SLC44A5: variants seen among roughly 807,000 people sequenced by gnomAD.
SLC44A5 encodes solute carrier family 44 member 5, also known as choline transporter-like protein 5.
SLC44A5 carries 57 observed loss-of-function variants against 101.8 expected under a neutral mutation model. The observed-to-expected ratio is 0.56, with a 90% CI of 0.45 to 0.70. The LOEUF is 0.70. SLC44A5 is among the 30% of genes least tolerant of loss of function. The pLI, the probability that SLC44A5 is intolerant of heterozygous loss-of-function variation, is 0.00. For synonymous variants in SLC44A5, 281 were observed against 290.9 expected, an observed-to-expected ratio of 0.97 and a Z score of 0.35; for missense variants, 737 against 853.1, an observed-to-expected ratio of 0.86 and a Z score of 1.70.
the SLC44A5 span, among the ~76,000 whole-genome samples, chr1:75,677,449 G>C: frequency 5.3e-5 from 8 of 152,158 alleles, no homozygotes; most frequent in African/African-American, 1.9e-4. Flanking sequence ...AAGCCTCATG[G>C]TAACCTCAAA....
At chr1:75,224,598 T>G (rs1457121517) in intron 13 of SLC44A5, among the ~76,000 whole-genome samples, 4 of 152,104 alleles carry the variant, frequency 2.6e-5, no homozygotes, top group African/African-American at 9.7e-5. Context: ...AATTTTTTGT[T>G]TCTAATTTTT....
intron 6 of SLC44A5, among the ~76,000 whole-genome samples, chr1:75,259,768 G>C (rs981358080): frequency 1.3e-5 from 2 of 152,048 alleles, no homozygotes; most frequent in African/African-American, 4.8e-5. Context: ...AAATATTAAG[G>C]GCAGCCAGAG....
chr1:75,341,549 GAAGA>G (rs1365860174), intron 3 of SLC44A5, among the ~76,000 whole-genome samples: 2 of 151,682 alleles, frequency 1.3e-5, no homozygotes, highest in Non-Finnish European at 2.9e-5. Context: ...GAACGAGAGA[GAAGA>G]AGGAAGGAAG....
At chr1:75,661,192 T>C in the SLC44A5 span, among the ~76,000 whole-genome samples, 1 of 151,878 alleles carries the variant, frequency 6.6e-6, no homozygotes, top group Non-Finnish European at 1.5e-5. Flanking sequence ...CACACATTTA[T>C]AGCTAACTTA....
chr1:75,595,252 T>C (rs1277434700), intron 1 of SLC44A5, among the ~76,000 whole-genome samples: 3 of 152,088 alleles, frequency 2.0e-5, no homozygotes, highest in Non-Finnish European at 4.4e-5. Context: ...AGTGATGTAT[T>C]CTCTGGAAAA....
In SLC44A5 at chr1:75,261,300, G is replaced by A. The variant is rs373845987; in HGVS notation, c.261-10006C>T. Reference sequence around the variant, plus strand: ...GAGTAATAAAGAAGAAAAGAGAGAAGAATCAAATAGACCCAATAAAAAATG... The same window carrying A: ...GAGTAATAAAGAAGAAAAGAGAGAAAAATCAAATAGACCCAATAAAAAATG... On this transcript the variant is annotated intron_variant, in intron 6 of 23. Transcript: ENST00000370859. 6.6e-5 allele frequency among the ~76,000 whole-genome samples: 10 copies of A among 151,848 alleles called. No homozygotes were observed. In the South Asian group the frequency reaches 2.1e-3, roughly 31 times the overall value.
chr1:75,694,389 G>T, the SLC44A5 span, among the ~76,000 whole-genome samples: 1 of 151,932 alleles, frequency 6.6e-6, no homozygotes, highest in East Asian at 1.9e-4. Flanking sequence ...ACAACTTGTG[G>T]AAGGGAGCCA....
the SLC44A5 span, among the ~76,000 whole-genome samples, chr1:75,703,763 C>G: frequency 5.9e-5 from 9 of 151,998 alleles, no homozygotes; most frequent in South Asian, 1.7e-3. Context: ...AGGTGCCACG[C>G]CTGTTCAGTA....
chr1:75,512,529 CAACAATGATTT>C (rs1402735409), intron 2 of SLC44A5, among the ~76,000 whole-genome samples: 1 of 152,112 alleles, frequency 6.6e-6, no homozygotes, highest in Non-Finnish European at 1.5e-5. Context: ...AACAATCATT[CAACAATGATTT>C]GGTGTCAGAC....
In SLC44A5 at chr1:75,421,382, A is replaced by G. The variant is rs186718963; in HGVS notation, c.14-24761T>C. 1.3e-3 allele frequency among the ~76,000 whole-genome samples: 197 copies of G among 152,272 alleles called. 3 individuals are homozygous for G. The highest frequency in any genetic ancestry group is 4.7e-3 in the African/African-American group (194 of 41,564). On this transcript the variant is annotated intron_variant, in intron 2 of 23. Coordinates refer to ENST00000370859, the MANE Select transcript of SLC44A5 (RefSeq NM_001130058.2). ...AAAGGAGTTGTTGCTTTTTCTATAC[A>G]GAGAAAGATACTGACTAGTTAGAGA...
At chr1:75,261,090 C>A (rs1371858181) in intron 6 of SLC44A5, among the ~76,000 whole-genome samples, 1 of 152,034 alleles carries the variant, frequency 6.6e-6, no homozygotes, top group Non-Finnish European at 1.5e-5. Flanking sequence ...CTAAAATCGA[C>A]ACTAACATCA....
In SLC44A5 at chr1:75,590,811, A is replaced by G. The variant is rs1405306000; in HGVS notation, c.-70+20229T>C. 2.0e-5 allele frequency among the ~76,000 whole-genome samples: 3 copies of G among 152,126 alleles called. No homozygotes were observed. The East Asian group carries it at 5.8e-4, about 29-fold the overall frequency. On this transcript the variant is annotated intron_variant, in intron 1 of 23. Coordinates refer to ENST00000370859, the MANE Select transcript of SLC44A5 (RefSeq NM_001130058.2). Reference sequence around the variant, plus strand: ...TAAATAGAAAATCAGATAGATTCCTAAGGTTTTTGATTCTAGTGCCTGACT... The same window carrying G: ...TAAATAGAAAATCAGATAGATTCCTGAGGTTTTTGATTCTAGTGCCTGACT...
chr1:75,690,105 T>C, the SLC44A5 span, among the ~76,000 whole-genome samples: 3 of 152,124 alleles, frequency 2.0e-5, no homozygotes, highest in Non-Finnish European at 4.4e-5. Context: ...TTTTAGTCCA[T>C]CCTCACACTG....
intron 3 of SLC44A5, among the ~76,000 whole-genome samples, chr1:75,392,224 A>G (rs1254416716): frequency 6.6e-6 from 1 of 152,124 alleles, no homozygotes; most frequent in African/African-American, 2.4e-5. Context: ...ATCAACAGGT[A>G]AAGAGACAAC....
chr1:75,281,192 CAATG>C (rs1464496404), intron 5 of SLC44A5, among the ~76,000 whole-genome samples: 1 of 152,068 alleles, frequency 6.6e-6, no homozygotes, highest in East Asian at 1.9e-4. Context: ...GTGATATGGA[CAATG>C]AAGTCCAGGC....
At chr1:75,603,839 T>C (rs1005587251) in intron 1 of SLC44A5, among the ~76,000 whole-genome samples, 2 of 151,222 alleles carry the variant, frequency 1.3e-5, no homozygotes, top group Admixed American at 1.3e-4. Context: ...ATGTCTTTCT[T>C]TTGCCTATTT....
the SLC44A5 span, among the ~76,000 whole-genome samples, chr1:75,679,610 A>T: frequency 1.3e-5 from 2 of 152,072 alleles, no homozygotes; most frequent in Non-Finnish European, 2.9e-5. Context: ...CTCCTGAAGG[A>T]AGCGCTAAAC....
rs552199192 is a variant in SLC44A5, at chr1:75,344,323, A to G, written c.53-4693T>C. The stretch of plus-strand genomic sequence containing the variant: ...TCTGAGACACAGTACTTCCATTTGC[A>G]TTGTTGAGCTTAGGACACTATAATA... On this transcript the variant is annotated intron_variant, in intron 3 of 23. Transcript: ENST00000370859. Among the ~76,000 whole-genome samples, 88 of 152,300 alleles carry G rather than the reference A, an allele frequency of 5.8e-4. 1 individual carries two copies. In the South Asian group the frequency reaches 0.018, roughly 31 times the overall value.
At chr1:75,623,615 G>T in the SLC44A5 span, among the ~76,000 whole-genome samples, 6 of 151,682 alleles carry the variant, frequency 4.0e-5, no homozygotes, top group East Asian at 1.9e-4. Context: ...GGACCATCTT[G>T]GACACTTTCA....
Sources: allele counts gnomAD v4.1 joint callset (sites outside exome capture counted in the v4.1 genomes callset), GRCh38; gene constraint gnomAD v4.1.1; transcripts MANE v1.5; gene names NCBI Gene and HGNC (gene_info 2026-07-23, HGNC 2026-07-21).